The following DIP2A variants were observed in gnomAD, a reference collection of about 807,000 sequenced individuals.
DIP2A encodes the protein disco-interacting protein 2 homolog A.
DIP2A carries 85 observed loss-of-function variants against 177.4 expected under a neutral mutation model. That is an observed-to-expected ratio of 0.48 (90% CI 0.40 to 0.57). DIP2A has a LOEUF of 0.57. DIP2A is among the 20% of genes least tolerant of loss of function. The pLI is 0.00. For missense variants in DIP2A, 1,791 were observed against 2,100.2 expected, an observed-to-expected ratio of 0.85 and a Z score of 2.88; for synonymous variants, 886 against 881.8, an observed-to-expected ratio of 1.00 and a Z score of -0.08.
At chr21:46,465,759 A>C (rs1397063814) in intron 1 of DIP2A, among the ~76,000 whole-genome samples, 2 of 152,126 alleles carry the variant, frequency 1.3e-5, no homozygotes, top group Admixed American at 6.6e-5. Context: ...AAAAAAAAAA[A>C]TTGGCCTTTT....
chr21:46,578,143 C>T, the DIP2A span, among the ~76,000 whole-genome samples: 1 of 152,120 alleles, frequency 6.6e-6, no homozygotes, highest in African/African-American at 2.4e-5. Context: ...GAAATCCTGT[C>T]TCTAGTAAAA....
intron 8 of DIP2A, among the ~76,000 whole-genome samples, chr21:46,523,393 A>ATTTTTTTTTTTTTTTTTTTT (rs61370008): frequency 5.6e-5 from 5 of 89,914 alleles, no homozygotes; most frequent in Non-Finnish European, 1.0e-4. Flanking sequence ...CGCCTGGCTA[A>ATTTTTTTTTTTTTTTTTTTT]TTTTTTTTTT....
the DIP2A span, among the ~76,000 whole-genome samples, chr21:46,583,220 C>T: frequency 2.6e-5 from 4 of 152,152 alleles, no homozygotes; most frequent in Non-Finnish European, 4.4e-5. Context: ...ATGCACCCAA[C>T]AACAAAACAC....
At chr21:46,539,561 C>T (rs1042534408) in intron 16 of DIP2A, 4 of 388,780 alleles carry the variant, frequency 1.0e-5, no homozygotes, top group South Asian at 4.2e-5. Flanking sequence ...ATGGCACTCC[C>T]CTGTTGCTGC....
intron 5 of DIP2A, among the ~76,000 whole-genome samples, chr21:46,503,629 T>C (rs1217741011): frequency 0.03 from 3,474 of 117,226 alleles, 106 homozygotes; most frequent in African/African-American, 0.079. Context: ...TCTTTCTTTC[T>C]TTCTTTCCTT....
rs1036250108 is a variant in DIP2A at position 46,563,207 on chromosome 21, C to T, written c.4090-651C>T. Among the ~76,000 whole-genome samples the T allele has an allele frequency of 3.3e-5, 5 of 152,134 alleles. No individual in the cohort carries two copies. The highest frequency in any genetic ancestry group is 1.9e-4 in the East Asian group (1 of 5,188). ...CCGTAGCTCACACCTCCCTGTGGCCCGTCGTCCCCTCCTCTTGCCTGCCCT... is the reference window on the plus strand; with the variant it reads ...CCGTAGCTCACACCTCCCTGTGGCCTGTCGTCCCCTCCTCTTGCCTGCCCT... On this transcript the variant is annotated intron_variant, in intron 34 of 37. Coordinates refer to ENST00000417564, the MANE Select transcript of DIP2A (RefSeq NM_015151.4). This position sits in a 1 kb window ranked among gnomAD's most constrained non-coding sequence, Gnocchi z 4.3.
intron 8 of DIP2A, among the ~76,000 whole-genome samples, chr21:46,517,053 T>TG (rs2058615142): frequency 8.0e-6 from 1 of 124,480 alleles, no homozygotes; most frequent in Non-Finnish European, 1.7e-5. Flanking sequence ...GTTTTCTCTC[T>TG]CTTTTTTTTT....
Position 46,533,623 on chromosome 21 carries a change from ACAGGAGAGGTGG to A in DIP2A, c.1409_1420del (p.Gly470_Ala473del). 1 of 1,614,018 alleles carries A rather than the reference ACAGGAGAGGTGG, an allele frequency of 6.2e-7. No individual in the cohort carries two copies. Among genetic ancestry groups the A allele is most frequent in the Non-Finnish European group, 8.5e-7 (1 of 1,179,884 alleles). ...TCAGAAAGGCCTCCCCAAGGCACAG[ACAGGAGAGGTGG>A]CAGCTTTCAAAGGTGAGGCCTCCCA... is the stretch of plus-strand genomic sequence containing the variant. On this transcript the variant is annotated inframe_deletion, in exon 11 of 38. Transcript: ENST00000417564.
chr21:46,477,159 A>G (rs754496897), intron 1 of DIP2A, among the ~76,000 whole-genome samples: 1 of 152,112 alleles, frequency 6.6e-6, no homozygotes, highest in African/African-American at 2.4e-5. Context: ...GGGTAAATCT[A>G]GCAACATTGA....
At chr21:46,535,312 AC>A (rs1347059627) in intron 13 of DIP2A, among the ~76,000 whole-genome samples, 1 of 136,806 alleles carries the variant, frequency 7.3e-6, no homozygotes, top group Non-Finnish European at 1.7e-5. Flanking sequence ...TATGGGGTAC[AC>A]TGTGACAATT....
At chr21:46,495,780 CA>C (rs1033043347) in intron 3 of DIP2A, among the ~76,000 whole-genome samples, 1 of 151,540 alleles carries the variant, frequency 6.6e-6, no homozygotes, top group Non-Finnish European at 1.5e-5. Context: ...CCTAATTAAA[CA>C]AAAAAAATTG....
chr21:46,555,790 C>T (rs75738552), intron 28 of DIP2A, 192 bp from the exon 29 acceptor site: 21,875 of 596,504 alleles, frequency 0.037, 556 homozygotes, highest in Non-Finnish European at 0.054. Context: ...GACCGGGTAG[C>T]GTTTCCATGA....
At chr21:46,541,920 C>CTTT in intron 18 of DIP2A, 25 bp downstream of exon 18, 1 of 1,613,766 alleles carries the variant, frequency 6.2e-7, no homozygotes, top group Non-Finnish European at 8.5e-7. Context: ...CAGAGTGGGT[C>CTTT]TTTGTCCATG....
chr21:46,560,996 T>C (rs1296929467), intron 33 of DIP2A: 2 of 985,262 alleles, frequency 2.0e-6, no homozygotes, highest in Non-Finnish European at 2.4e-6. Context: ...TGTGCCCCAC[T>C]CCGGGCGTGC....
At chr21:46,505,770 C>T (rs886814906) in intron 6 of DIP2A, among the ~76,000 whole-genome samples, 1 of 152,186 alleles carries the variant, frequency 6.6e-6, no homozygotes, top group East Asian at 1.9e-4. Context: ...GATTTACTTT[C>T]TGTCACTATA....
intron 3 of DIP2A, among the ~76,000 whole-genome samples, chr21:46,493,827 T>C (rs1230637704): frequency 6.6e-6 from 1 of 152,196 alleles, no homozygotes; most frequent in East Asian, 1.9e-4. Context: ...TGGGGAAAAT[T>C]GAAGCGTCTA....
At chr21:46,479,698 T>G (rs986310809) in intron 1 of DIP2A, among the ~76,000 whole-genome samples, 1 of 151,886 alleles carries the variant, frequency 6.6e-6, no homozygotes, top group Non-Finnish European at 1.5e-5. Context: ...AGCTAATTGG[T>G]TTTTTTTCTT....
At chr21:46,531,721 C>T (rs1419411828) in intron 9 of DIP2A, among the ~76,000 whole-genome samples, 1 of 152,182 alleles carries the variant, frequency 6.6e-6, no homozygotes, top group Non-Finnish European at 1.5e-5. Flanking sequence ...CTAACAAATT[C>T]TGTAAAAATA....
the DIP2A span, among the ~76,000 whole-genome samples, chr21:46,578,952 C>T: frequency 1.3e-5 from 2 of 152,096 alleles, no homozygotes; most frequent in South Asian, 2.1e-4. Flanking sequence ...GTTTTGGTAT[C>T]GGGATGATGC....
Sources: gnomAD v4.1 joint callset for allele counts (sites outside exome capture counted in the v4.1 genomes callset) on GRCh38, gnomAD v4.1.1 for gene constraint, Gnocchi (gnomAD v3.1) non-coding constraint, MANE v1.5 for transcripts, NCBI Gene and HGNC (gene_info 2026-07-23, HGNC 2026-07-21) for gene names.